Variants in ZFP1 observed in about 807,000 individuals in gnomAD.
ZFP1 encodes the protein ZFP1 zinc finger protein, also known as zinc finger protein 1 homolog.
A neutral mutation model predicts 38.5 loss-of-function variants in ZFP1; 32 were observed. That is an observed-to-expected ratio of 0.83 (90% CI 0.63 to 1.12). The LOEUF is 1.12. ZFP1 is among the 50% of genes most tolerant of loss of function. ZFP1 has a pLI of 0.00. For synonymous variants in ZFP1, 245 were observed against 168.8 expected (o/e 1.45, Z -3.50); for missense variants, 616 against 480.8 (o/e 1.28, Z -2.63).
At chr16:75,148,959 C>A (rs190800095) in intron 1 of ZFP1, 3 of 151,836 alleles carry the variant, frequency 2.0e-5, no homozygotes, top group Admixed American at 2.0e-4. Flanking sequence ...AGTTCTGGAG[C>A]CCCGGCGGGC....
At chr16:75,153,071 C>T in intron 2 of ZFP1, 105 bp downstream of exon 2, 2 of 1,447,312 alleles carry the variant, frequency 1.4e-6, no homozygotes, top group South Asian at 1.3e-5. Context: ...ACAAAGGAAA[C>T]ATAGCAAGAA....
At chr16:75,125,771 G>A in the ZFP1 span, among the ~76,000 whole-genome samples, 21 of 151,694 alleles carry the variant, frequency 1.4e-4, no homozygotes, top group Admixed American at 2.0e-4. Flanking sequence ...GGCCGGGTGC[G>A]GTGGCTCATG....
chr16:75,170,319 C>T lies in ZFP1; in HGVS notation c.1209C>T (p.Ile403=), dbSNP rs373697645. ...TCAGTGTCCATCAGAGAGTTCACAT[C>T]GGGGAGAAACCCTGAAACTCCAGCC... The part of the protein sequence containing the change: ...SRLSVHQRVH[I]GEKP The change falls in exon 4 of 4, where the codon ATC becomes ATT. Residue 403 remains isoleucine, a synonymous_variant. Coordinates refer to ENST00000570010, the MANE Select transcript of ZFP1 (RefSeq NM_153688.4). 9.6e-5 allele frequency: 152 copies of T among 1,578,246 alleles called. No individual in the cohort carries two copies. Among genetic ancestry groups the T allele is most frequent in the Non-Finnish European group, 3.4e-5 (40 of 1,161,746 alleles).
the ZFP1 span, among the ~76,000 whole-genome samples, chr16:75,130,003 T>G: frequency 6.6e-6 from 1 of 152,114 alleles, no homozygotes; most frequent in African/African-American, 2.4e-5. Context: ...TTTTTTTGTT[T>G]TTTGTTTTTT....
At chr16:75,147,161 T>G (rs986782015), upstream of ZFP1, among the ~76,000 whole-genome samples, 1 of 152,080 alleles carries the variant, frequency 6.6e-6, no homozygotes, top group Non-Finnish European at 1.5e-5. Context: ...GATGATTTTT[T>G]GGGGGGCAGT....
chr16:75,156,372 G>A (rs867645168), intron 2 of ZFP1, among the ~76,000 whole-genome samples: 2 of 152,130 alleles, frequency 1.3e-5, no homozygotes, highest in African/African-American at 2.4e-5. Flanking sequence ...CAGGAGAATC[G>A]CTTGAACCCA....
chr16:75,154,677 AG>A (rs1265641622), intron 2 of ZFP1, among the ~76,000 whole-genome samples: 1 of 149,436 alleles, frequency 6.7e-6, no homozygotes, highest in Admixed American at 6.8e-5. Context: ...AGACAGAGGG[AG>A]GGGGGCTCCA....
intron 2 of ZFP1, among the ~76,000 whole-genome samples, chr16:75,163,143 GT>G (rs1306952188): frequency 1.3e-5 from 2 of 151,560 alleles, no homozygotes; most frequent in African/African-American, 4.9e-5. Flanking sequence ...TCCTGACCTC[GT>G]GATCCACCTG....
At chr16:75,168,043 A>G (rs1447182690) in intron 3 of ZFP1, among the ~76,000 whole-genome samples, 2 of 151,438 alleles carry the variant, frequency 1.3e-5, no homozygotes. Context: ...CCTGGGCAAC[A>G]GAGACCGACC....
upstream of ZFP1, chr16:75,148,432 C>G (rs995003692): frequency 1.3e-5 from 2 of 152,276 alleles, no homozygotes; most frequent in Non-Finnish European, 2.9e-5. Flanking sequence ...AATGTAGTCC[C>G]GAACGTGGAT....
intron 2 of ZFP1, among the ~76,000 whole-genome samples, chr16:75,155,586 G>A (rs1395376874): frequency 6.6e-6 from 1 of 152,160 alleles, no homozygotes; most frequent in Admixed American, 6.6e-5. Flanking sequence ...CTTTAAATGT[G>A]TTATAACAAC....
chr16:75,157,614 T>C (rs894460611), intron 2 of ZFP1, among the ~76,000 whole-genome samples: 2 of 152,180 alleles, frequency 1.3e-5, no homozygotes, highest in Admixed American at 6.5e-5. Flanking sequence ...AGTTTAGTTC[T>C]GTCAGGCTTG....
chr16:75,160,317 G>T (rs1289663833), intron 2 of ZFP1, among the ~76,000 whole-genome samples: 1 of 152,096 alleles, frequency 6.6e-6, no homozygotes, highest in African/African-American at 2.4e-5. Flanking sequence ...TGGATCCCTT[G>T]AGGGCAGGAG....
upstream of ZFP1, among the ~76,000 whole-genome samples, chr16:75,144,631 C>T (rs1241188809): frequency 6.6e-6 from 1 of 152,146 alleles, no homozygotes; most frequent in Non-Finnish European, 1.5e-5. Flanking sequence ...TATCCATCAC[C>T]ACTTTCTCCT....
At chr16:75,164,349 T>G (rs2037945020) in intron 2 of ZFP1, among the ~76,000 whole-genome samples, 1 of 152,240 alleles carries the variant, frequency 6.6e-6, no homozygotes, top group African/African-American at 2.4e-5. Context: ...TTTTCAGTAC[T>G]TTCCTATTTT....
the ZFP1 span, among the ~76,000 whole-genome samples, chr16:75,140,048 C>G: frequency 6.6e-6 from 1 of 152,230 alleles, no homozygotes; most frequent in South Asian, 2.1e-4. Flanking sequence ...GTGGGAGGAT[C>G]ACCTGAAGTT....
intron 3 of ZFP1, among the ~76,000 whole-genome samples, chr16:75,167,795 C>T (rs2038179076): frequency 6.6e-6 from 1 of 152,100 alleles, no homozygotes; most frequent in Non-Finnish European, 1.5e-5. Context: ...GACAAGTTCT[C>T]TGTAGAACTC....
At position 75,170,247 on chromosome 16, in the gene ZFP1, A is replaced by G. The variant is rs781421216; in HGVS notation, c.1137A>G (p.Pro379=). The change falls in exon 4 of 4, where the codon CCA becomes CCG. Residue 379 remains proline, a synonymous_variant. Transcript: ENST00000570010. ...LHLRIHTGEK[P]YECSECGKAF... ...TGCGAATCCACACAGGAGAGAAACC[A>G]TATGAGTGTTCCGAATGTGGGAAGG... is the stretch of plus-strand genomic sequence containing the variant. 2 of 1,614,054 alleles carry G rather than the reference A, an allele frequency of 1.2e-6. No individual in the cohort carries two copies. Among genetic ancestry groups the G allele is most frequent in the East Asian group, 2.2e-5 (1 of 44,882 alleles).
intron 2 of ZFP1, among the ~76,000 whole-genome samples, chr16:75,163,844 C>G (rs2037919707): frequency 6.6e-6 from 1 of 152,148 alleles, no homozygotes. Flanking sequence ...CTCCTGAGCT[C>G]AAGCAGTCCT....
Sources: allele counts gnomAD v4.1 joint callset (sites outside exome capture counted in the v4.1 genomes callset), GRCh38; gene constraint gnomAD v4.1.1; transcripts MANE v1.5; gene names NCBI Gene and HGNC (gene_info 2026-07-23, HGNC 2026-07-21).